COL4A4: variants seen among roughly 807,000 people sequenced by gnomAD.
COL4A4 encodes collagen alpha-4(IV) chain.
In COL4A4, 105 loss-of-function variants were observed where a neutral mutation model predicts 192.9. The ratio of observed to expected loss-of-function variants is 0.54; its 90% CI spans 0.46 to 0.64. The LOEUF (loss-of-function observed/expected upper bound fraction) is 0.64, where lower values mean the gene tolerates loss of function less well. COL4A4 is among the 30% of genes least tolerant of loss of function. The probability of loss-of-function intolerance (pLI) is 0.00; values close to 1 mark genes in which losing one functional copy is unlikely to be tolerated. For synonymous variants in COL4A4, 762 were observed against 769.9 expected (o/e 0.99, Z 0.17); for missense variants, 1,967 against 2,169.3 (o/e 0.91, Z 1.85).
chr2:227,110,447 G>A (rs1012646728), intron 9 of COL4A4, among the ~76,000 whole-genome samples: 4 of 150,924 alleles, frequency 2.7e-5, no homozygotes, highest in African/African-American at 9.8e-5. Context: ...GCAGTGGTGA[G>A]ATCTTGGCTC....
At chr2:227,009,929 AT>A (rs1252854086) in intron 46 of COL4A4, among the ~76,000 whole-genome samples, 1 of 152,194 alleles carries the variant, frequency 6.6e-6, no homozygotes, top group Non-Finnish European at 1.5e-5. Context: ...TGGCTGCACC[AT>A]TTTACATGTA....
Position 227,059,431 on chromosome 2 carries a change from C to A in COL4A4, c.2357G>T (p.Gly786Val). 6.2e-7 allele frequency: 1 copy of A among 1,614,190 alleles called. No homozygotes were observed. The highest frequency in any genetic ancestry group is 8.5e-7 in the Non-Finnish European group (1 of 1,180,036). ...SGVPGIKGPRGDPGCPGAEGP... is the reference protein window; with the variant it reads ...SGVPGIKGPRVDPGCPGAEGP... Reference sequence around the variant, plus strand: ...TTCAGCCCCTGGACATCCCGGATCACCTCTGGGTCCTTTTATCCCTGGCAC... The same window carrying A: ...TTCAGCCCCTGGACATCCCGGATCAACTCTGGGTCCTTTTATCCCTGGCAC... The change falls in exon 28 of 48, where the codon GGT becomes GTT. Residue 786 changes from glycine (G) to valine (V), a missense_variant. Physicochemically the swap from Gly to Val is moderately radical, Grantham distance 109. Transcript: ENST00000396625.
rs777982441 is a variant in COL4A4, at chr2:227,078,057, G to A, written c.1824C>T (p.Thr608=). 2 of 1,613,876 alleles carry A rather than the reference G, an allele frequency of 1.2e-6. No individual in the cohort carries two copies. The highest frequency in any genetic ancestry group is 1.3e-5 in the African/African-American group (1 of 74,932). ...GTCCAGGAAATCCTTTACCACCTGGGGTCGCATCTTCATGATCCCCCTGGG... is the reference window on the plus strand; with the variant it reads ...GTCCAGGAAATCCTTTACCACCTGGAGTCGCATCTTCATGATCCCCCTGGG... ...PGPPGDHEDA[T]PGGKGFPGPL... The change falls in exon 25 of 48, where the codon ACC becomes ACT. Residue 608 remains threonine, a synonymous_variant. Transcript: ENST00000396625.
chr2:227,135,901 C>T (rs2062781839), intron 4 of COL4A4, among the ~76,000 whole-genome samples: 1 of 152,016 alleles, frequency 6.6e-6, no homozygotes, highest in South Asian at 2.1e-4. Flanking sequence ...ACCTCAGCCT[C>T]CCAGGGTGCT....
the COL4A4 span, among the ~76,000 whole-genome samples, chr2:226,985,791 A>G: frequency 6.6e-6 from 1 of 152,260 alleles, no homozygotes; most frequent in African/African-American, 2.4e-5. Flanking sequence ...CAGCAAGGTT[A>G]GGGATGATTC....
rs2059821416 is a variant in COL4A4, at chr2:227,089,917, T to C, written c.1410A>G (p.Ile470Met). ...CTCCTGGGGGACCAACTTTGCCTTT[T>C]ATTCCTTGTGGTCCGGGGTTCCCAA... ...CSVGNPGPQG[I>M]KGKVGPPGGR... Residue 470 changes from isoleucine to methionine, a missense_variant, in exon 21 of 48, where the codon ATA (isoleucine) becomes ATG (methionine). Ile to Met is a conservative substitution (Grantham distance 10). Coordinates refer to ENST00000396625, the MANE Select transcript of COL4A4 (RefSeq NM_000092.5). The C allele has an allele frequency of 6.2e-7, 1 of 1,613,654 alleles. No homozygotes were observed. The highest frequency in any genetic ancestry group is 1.1e-5 in the South Asian group (1 of 91,058).
intron 2 of COL4A4, among the ~76,000 whole-genome samples, chr2:227,146,406 C>A (rs1559739739): frequency 6.6e-6 from 1 of 152,114 alleles, no homozygotes; most frequent in Non-Finnish European, 1.5e-5. Context: ...CTTTCACTCC[C>A]CGTAATTTCT....
chr2:227,033,836 G>C (rs556297207), intron 37 of COL4A4, among the ~76,000 whole-genome samples: 1 of 152,166 alleles, frequency 6.6e-6, no homozygotes. Flanking sequence ...GAAAGAGATC[G>C]GATGGGAGCA....
chr2:227,078,721 A>T (rs1248356639), intron 24 of COL4A4, among the ~76,000 whole-genome samples: 1 of 152,212 alleles, frequency 6.6e-6, no homozygotes, highest in African/African-American at 2.4e-5. Flanking sequence ...GTGGGATTAC[A>T]AATCAAATAC....
chr2:227,019,825 G>T (rs770616212), intron 44 of COL4A4, among the ~76,000 whole-genome samples: 3 of 152,130 alleles, frequency 2.0e-5, no homozygotes, highest in Non-Finnish European at 2.9e-5. Context: ...CTGCCACCAC[G>T]CTCAGCTAAT....
chr2:227,154,873 C>T (rs1207448347), intron 1 of COL4A4, among the ~76,000 whole-genome samples: 1 of 152,190 alleles, frequency 6.6e-6, no homozygotes. Flanking sequence ...CATTTCCCAA[C>T]ATACAAGCTG....
chr2:227,025,835 C>T (rs761639596), intron 42 of COL4A4, 25 bp from the exon 43 acceptor site: 6 of 1,610,760 alleles, frequency 3.7e-6, no homozygotes, highest in African/African-American at 2.7e-5. Flanking sequence ...AGACAACAAA[C>T]GAGGCCAGTC....
intron 4 of COL4A4, 48 bp from the exon 5 acceptor site, chr2:227,121,196 G>T: frequency 6.3e-7 from 1 of 1,598,412 alleles, no homozygotes; most frequent in South Asian, 1.1e-5. Context: ...CTTAATTACT[G>T]TCTTCTAACA....
chr2:227,121,143 T>C lies in COL4A4; in HGVS notation c.198A>G (p.Pro66=), dbSNP rs147947155. The stretch of plus-strand genomic sequence containing the variant: ...GACCCTGTGGCCCTGGTGGTCCTGG[T>C]GGACCCTGAGAAGGAAGATTAAAAA... ...HCVPEKGSRG[P]PGPPGPQGPI... Residue 66 remains proline, a synonymous_variant, in exon 5 of 48, where the codon CCA becomes CCG. Coordinates refer to ENST00000396625, the MANE Select transcript of COL4A4 (RefSeq NM_000092.5). 1.2e-3 allele frequency: 1,958 copies of C among 1,613,988 alleles called. 21 individuals carry two copies. The African/African-American group carries it at 0.022, about 18-fold the overall frequency.
rs1350795557 is a variant in COL4A4 at position 227,107,273 on chromosome 2, G to C, written c.735+1308C>G. Among the ~76,000 whole-genome samples, 3 of 152,172 alleles carry C rather than the reference G, an allele frequency of 2.0e-5. No homozygotes were observed. In the East Asian group the frequency reaches 5.8e-4, roughly 29 times the overall value. On this transcript the variant is annotated intron_variant, in intron 12 of 47. Transcript: ENST00000396625. Reference sequence around the variant, plus strand: ...TAAGTTGTCACAATTGGAGGGACGGGATGCTACTGACATCTAGTGGGGAGA... The same window carrying C: ...TAAGTTGTCACAATTGGAGGGACGGCATGCTACTGACATCTAGTGGGGAGA...
At chr2:227,098,960 G>A (rs2060355773) in intron 18 of COL4A4, among the ~76,000 whole-genome samples, 162 bp from the exon 19 acceptor site, 1 of 152,152 alleles carries the variant, frequency 6.6e-6, no homozygotes, top group African/African-American at 2.4e-5. Context: ...AACCGCCTTG[G>A]CTGTGCCTCT....
intron 3 of COL4A4, among the ~76,000 whole-genome samples, chr2:227,142,960 T>C (rs1450525963): frequency 1.3e-5 from 2 of 151,766 alleles, no homozygotes; most frequent in Non-Finnish European, 2.9e-5. Context: ...TTCAAATAGG[T>C]GTTTGGGCAT....
At chr2:227,106,388 T>C (rs1001047378) in intron 12 of COL4A4, among the ~76,000 whole-genome samples, 8 of 152,170 alleles carry the variant, frequency 5.3e-5, no homozygotes, top group African/African-American at 1.7e-4. Flanking sequence ...AAGTACCATA[T>C]ACTCAGCATA....
intron 37 of COL4A4, among the ~76,000 whole-genome samples, chr2:227,037,708 G>C (rs1439808346): frequency 6.6e-6 from 1 of 152,188 alleles, no homozygotes; most frequent in Non-Finnish European, 1.5e-5. Context: ...CACCAACAGT[G>C]TAAAAGCATT....
Sources: allele counts gnomAD v4.1 joint callset (sites outside exome capture counted in the v4.1 genomes callset), GRCh38; gene constraint gnomAD v4.1.1; transcripts MANE v1.5; gene names NCBI Gene and HGNC (gene_info 2026-07-23, HGNC 2026-07-21).